The following TTC3 variants were observed in gnomAD, a reference collection of about 807,000 sequenced individuals.
TTC3 encodes E3 ubiquitin-protein ligase TTC3.
Under a neutral mutation model 249.6 loss-of-function variants are expected in TTC3, and 180 were observed. The observed-to-expected ratio is 0.72, with a 90% CI of 0.64 to 0.82. TTC3 has a LOEUF of 0.82. Among genes scored for constraint, TTC3 ranks in the 40% least tolerant of loss-of-function variants. TTC3 has a pLI of 0.00. For synonymous variants in TTC3, 717 were observed against 805.0 expected (o/e 0.89, Z 1.85); for missense variants, 2,061 against 2,398.4 (o/e 0.86, Z 2.94).
At chr21:37,144,475 G>A (rs2078805775) in intron 20 of TTC3, 50 bp from the exon 21 acceptor site, 1 of 1,581,186 alleles carries the variant, frequency 6.3e-7, no homozygotes, top group Admixed American at 1.8e-5. Context: ...TGAAGGGAGT[G>A]AAAATACCAT....
intron 14 of TTC3, 107 bp downstream of exon 14, chr21:37,124,849 T>C: frequency 2.8e-6 from 3 of 1,068,136 alleles, no homozygotes; most frequent in African/African-American, 1.6e-5. Context: ...ATTTGAACCC[T>C]TTTTGCCTAT....
intron 8 of TTC3, among the ~76,000 whole-genome samples, chr21:37,094,676 C>G (rs997031852): frequency 6.7e-6 from 1 of 149,738 alleles, no homozygotes; most frequent in African/African-American, 2.4e-5. Context: ...TAAAATTCTA[C>G]TTTGCATCTA....
exon 46 of TTC3, chr21:37,202,304 C>T (rs1280713750): frequency 6.6e-6 from 1 of 152,154 alleles, no homozygotes; most frequent in Non-Finnish European, 1.5e-5. Flanking sequence ...GACTTTTTCC[C>T]CCTGGAATCG....
At chr21:37,082,433 T>A (rs969847814) in intron 1 of TTC3, 3 of 943,802 alleles carry the variant, frequency 3.2e-6, no homozygotes, top group Admixed American at 6.2e-5. Context: ...TTTGTGGTGA[T>A]CTTGAGAGTC....
At chr21:37,192,942 A>G (rs1053755342) in intron 41 of TTC3, among the ~76,000 whole-genome samples, 1 of 152,276 alleles carries the variant, frequency 6.6e-6, no homozygotes, top group Admixed American at 6.5e-5. Flanking sequence ...CTAAATTGAA[A>G]TGAATTAGGC....
intron 7 of TTC3, among the ~76,000 whole-genome samples, chr21:37,092,124 T>C (rs1040032972): frequency 2.6e-4 from 39 of 152,226 alleles, no homozygotes; most frequent in African/African-American, 8.7e-4. Flanking sequence ...TACATATTTC[T>C]TTTACTTTGT....
At position 37,170,251 on chromosome 21, in the gene TTC3, C is replaced by G. The variant is rs563300482; in HGVS notation, c.4468-2344C>G. Among the ~76,000 whole-genome samples, 47 of 152,164 alleles carry G rather than the reference C, an allele frequency of 3.1e-4. No homozygotes were observed. The East Asian group carries it at 7.7e-3, about 25-fold the overall frequency. ...GTGAAACAGATAGAGAACTAATTTC[C>G]TTAACAACAAAGTTTCTATAAATCA... On this transcript the variant is annotated intron_variant, in intron 34 of 45. Transcript: ENST00000355666.
chr21:37,105,779 C>T (rs1267899929), intron 10 of TTC3, among the ~76,000 whole-genome samples: 2 of 152,132 alleles, frequency 1.3e-5, no homozygotes, highest in African/African-American at 4.8e-5. Flanking sequence ...TGGTTTTCAG[C>T]ATCGTTTTTG....
chr21:37,088,664 C>A, intron 4 of TTC3, 135 bp from the exon 5 acceptor site: 1 of 784,510 alleles, frequency 1.3e-6, no homozygotes, highest in Non-Finnish European at 2.0e-6. Context: ...TAATAAATAG[C>A]TTAGTTATTG....
Position 37,150,822 on chromosome 21 carries a change from T to G in TTC3, c.2214T>G (p.Phe738Leu), listed in dbSNP as rs772065030. 1.9e-6 allele frequency: 3 copies of G among 1,610,520 alleles called. No individual in the cohort carries two copies. In the Admixed American group the frequency reaches 5.0e-5, roughly 27 times the overall value. Reference sequence around the variant, plus strand: ...GGATGTCTTTGTTTTATTTAAAGTTTGAACACAAGGTCATAAAAGAAAAGG... The same window carrying G: ...GGATGTCTTTGTTTTATTTAAAGTTGGAACACAAGGTCATAAAAGAAAAGG... Residue 738 changes from phenylalanine to leucine, a missense_variant and splice_region_variant, in exon 25 of 46, where the codon TTT (phenylalanine) becomes TTG (leucine). Transcript: ENST00000355666.
intron 9 of TTC3, 193 bp downstream of exon 9, chr21:37,095,637 C>G: frequency 2.5e-6 from 1 of 403,718 alleles, no homozygotes; most frequent in Non-Finnish European, 4.4e-6. Flanking sequence ...TAGCATAACT[C>G]AAGCAAGTCA....
intron 2 of TTC3, 36 bp downstream of exon 2, chr21:37,087,437 G>A (rs2072649349): frequency 1.2e-6 from 2 of 1,610,362 alleles, no homozygotes; most frequent in Non-Finnish European, 1.7e-6. Flanking sequence ...TTTTGACATT[G>A]TGTATTGAAG....
chr21:37,087,764 G>T (rs1232725961), intron 2 of TTC3, 69 bp from the exon 3 acceptor site: 66 of 1,256,158 alleles, frequency 5.3e-5, no homozygotes, highest in Non-Finnish European at 5.6e-5. Context: ...GGTTAGTTCT[G>T]ATAATCCTTA....
chr21:37,088,305 C>T (rs1355537020), exon 4 of TTC3: 3 of 1,613,404 alleles, frequency 1.9e-6, no homozygotes, highest in African/African-American at 1.3e-5. Flanking sequence ...AACATCAAAA[C>T]AGTTCCGTAA....
At chr21:37,143,310 A>G (rs1280554759) in intron 20 of TTC3, among the ~76,000 whole-genome samples, 3 of 152,160 alleles carry the variant, frequency 2.0e-5, no homozygotes, top group African/African-American at 4.8e-5. Context: ...TGAACAGGCA[A>G]CCTACAGAAT....
At chr21:37,153,719 A>G (rs923930526) in intron 27 of TTC3, among the ~76,000 whole-genome samples, 8 of 151,230 alleles carry the variant, frequency 5.3e-5, no homozygotes, top group African/African-American at 1.9e-4. Flanking sequence ...AGATGTGTGA[A>G]TACTAGGCAC....
At chr21:37,141,066 A>T (rs2835627) in intron 20 of TTC3, among the ~76,000 whole-genome samples, 5,698 of 152,264 alleles carry the variant, frequency 0.037, 320 homozygotes, top group African/African-American at 0.13. Context: ...AGAGGTATAT[A>T]TGTGTTCAAA....
At position 37,124,659 on chromosome 21, in the gene TTC3, A is replaced by G. The variant is rs1342956690; in HGVS notation, c.1150A>G (p.Thr384Ala). 5 of 1,613,262 alleles carry G rather than the reference A, an allele frequency of 3.1e-6. No homozygotes were observed. In the South Asian group the frequency reaches 3.3e-5, roughly 11 times the overall value. Residue 384 changes from threonine to alanine, a missense_variant, in exon 14 of 46, where the codon ACT (threonine) becomes GCT (alanine). By Grantham distance (58) the Thr-to-Ala change is moderately conservative (BLOSUM62 0). Coordinates refer to ENST00000355666, the Ensembl canonical transcript of TTC3. ...GAGTTTATCAGCACCTATATTTACT[A>G]CTTCACTTAACTTTGTGGAGAAGGA...
exon 26 of TTC3, chr21:37,151,917 A>G: frequency 2.5e-6 from 4 of 1,600,858 alleles, no homozygotes; most frequent in South Asian, 2.3e-5. Flanking sequence ...GACTGAAAGA[A>G]GACAAAAAAT....
Sources: allele counts gnomAD v4.1 joint callset (sites outside exome capture counted in the v4.1 genomes callset), GRCh38; gene constraint gnomAD v4.1.1; transcripts MANE v1.5; gene names NCBI Gene and HGNC (gene_info 2026-07-23, HGNC 2026-07-21).